DMTN: variants seen among roughly 807,000 people sequenced by gnomAD.
DMTN encodes dematin actin binding protein.
A neutral mutation model predicts 59.4 loss-of-function variants in DMTN; 27 were observed. The ratio of observed to expected loss-of-function variants is 0.45; its 90% confidence interval spans 0.33 to 0.63. DMTN has a LOEUF of 0.63. Among genes scored for constraint, DMTN ranks in the 20% least tolerant of loss-of-function variants. DMTN has a pLI of 0.02. For missense variants in DMTN, 451 were observed against 528.9 expected (o/e 0.85, Z 1.45); for synonymous variants, 221 against 203.7 (o/e 1.08, Z -0.72).
chr8:22,076,657 A>G, intron 10 of DMTN, among the ~76,000 whole-genome samples: 1 of 151,898 alleles, frequency 6.6e-6, no homozygotes, highest in Non-Finnish European at 1.5e-5. Context: ...TGACATATAT[A>G]CACATATATA....
intron 12 of DMTN, 52 bp downstream of exon 12, chr8:22,080,512 C>A: frequency 6.2e-7 from 1 of 1,614,006 alleles, no homozygotes; most frequent in Non-Finnish European, 8.5e-7. Flanking sequence ...TACACAGGTC[C>A]CTGGGCAGCC....
In DMTN at chr8:22,082,321, C is replaced by T. The variant is rs201264206; in HGVS notation, c.*858C>T. 2.3e-5 allele frequency: 10 copies of T among 438,952 alleles called. No homozygotes were observed. Among genetic ancestry groups the T allele is most frequent in the Non-Finnish European group, 4.2e-5 (9 of 215,940 alleles). 27.2% of individuals were successfully genotyped at this position (438,952 alleles called of 1,614,324 possible). On this transcript the variant is annotated 3_prime_UTR_variant, in exon 16 of 16. Transcript: ENST00000358242. ...ATGTAATTTATTGGGGCCCCCCCAGCTGCTTTCCTCACCTGCCCCTGCCCT... is the reference window on the plus strand; with the variant it reads ...ATGTAATTTATTGGGGCCCCCCCAGTTGCTTTCCTCACCTGCCCCTGCCCT...
At chr8:22,054,113 C>G (rs1014226849), upstream of DMTN, among the ~76,000 whole-genome samples, 1 of 151,818 alleles carries the variant, frequency 6.6e-6, no homozygotes, top group Non-Finnish European at 1.5e-5. Context: ...TACACACACA[C>G]ACACACACAC....
intron 1 of DMTN, among the ~76,000 whole-genome samples, chr8:22,062,178 C>T (rs947701736): frequency 7.3e-5 from 11 of 151,046 alleles, no homozygotes; most frequent in Non-Finnish European, 1.2e-4. Flanking sequence ...GCAGCCTTGA[C>T]CTCCTAGGAT....
chr8:22,057,413 A>C (rs1803273500), intron 1 of DMTN, among the ~76,000 whole-genome samples: 1 of 151,846 alleles, frequency 6.6e-6, no homozygotes, highest in Non-Finnish European at 1.5e-5. Flanking sequence ...TGGCCTACCT[A>C]GCTGAGCAGG....
chr8:22,081,243 C>T (rs776705352), intron 15 of DMTN, 50 bp downstream of exon 15: 1 of 1,608,614 alleles, frequency 6.2e-7, no homozygotes, highest in Non-Finnish European at 8.5e-7. Context: ...CACGGGCACT[C>T]TCCTGCCTGG....
chr8:22,054,117 C>CACACAG (rs1801696734), upstream of DMTN, among the ~76,000 whole-genome samples: 1 of 151,764 alleles, frequency 6.6e-6, no homozygotes, highest in African/African-American at 2.4e-5. Context: ...CACACACACA[C>CACACAG]ACACACAGAC....
rs1411065355 is a variant in DMTN at position 22,058,902 on chromosome 8, G to C, written c.-172+1766G>C. Among the ~76,000 whole-genome samples the C allele has an allele frequency of 6.6e-6, 1 of 152,234 alleles. No individual in the cohort carries two copies. The highest frequency in any genetic ancestry group is 1.9e-4 in the East Asian group (1 of 5,188). ...GGCCCAGAGCAGGCCTCAGCCTCCT[G>C]GTGTCCTTTTCCAGTGGCGGGGGGG... On this transcript the variant is annotated intron_variant, in intron 1 of 15. Transcript: ENST00000358242. This position sits in a 1 kb window ranked among gnomAD's most constrained non-coding sequence, Gnocchi z 4.3.
At chr8:22,056,307 T>C (rs1320302208), upstream of DMTN, among the ~76,000 whole-genome samples, 1 of 152,056 alleles carries the variant, frequency 6.6e-6, no homozygotes, top group African/African-American at 2.4e-5. Context: ...CATTCTACCC[T>C]CCCAGGAGAG....
upstream of DMTN, among the ~76,000 whole-genome samples, chr8:22,051,157 A>G (rs1350451439): frequency 2.6e-5 from 4 of 152,114 alleles, no homozygotes; most frequent in Non-Finnish European, 5.9e-5. Context: ...GCCGTTGGGG[A>G]AACACGAACC....
intron 4 of DMTN, 130 bp downstream of exon 4, chr8:22,067,812 A>G (rs1261473916): frequency 7.2e-6 from 8 of 1,103,756 alleles, no homozygotes; most frequent in Admixed American, 2.5e-5. Flanking sequence ...AACTGTGCGC[A>G]GGAACCAACC....
chr8:22,056,598 G>A (rs976594895), upstream of DMTN, among the ~76,000 whole-genome samples: 10 of 152,178 alleles, frequency 6.6e-5, no homozygotes, highest in Non-Finnish European at 1.5e-4. Context: ...TGCAGACTGC[G>A]GTGTGGGAAA....
rs1385961600 is a variant in DMTN, at chr8:22,058,650, G to T, written c.-172+1514G>T. ...GGCAGGCCTTGAGCAGGGGGACTCT[G>T]GGCTCCCCACCCACCCAGGCCTGGT... is the stretch of plus-strand genomic sequence containing the variant. On this transcript the variant is annotated intron_variant, in intron 1 of 15. Coordinates refer to ENST00000358242, the MANE Select transcript of DMTN (RefSeq NM_001387751.1). This position sits in a 1 kb window ranked among gnomAD's most constrained non-coding sequence, Gnocchi z 4.3. Among the ~76,000 whole-genome samples, 2 of 152,164 alleles carry T rather than the reference G, an allele frequency of 1.3e-5. No individual in the cohort carries two copies. The highest frequency in any genetic ancestry group is 4.8e-5 in the African/African-American group (2 of 41,436).
rs569821671 is a variant in DMTN, at chr8:22,061,671, G to A, written c.-172+4535G>A. On this transcript the variant is annotated intron_variant, in intron 1 of 15. Transcript: ENST00000358242. ...GTCTCCCTCCTGCCCCTCTCTGTGT[G>A]CAGCTGCACATGCTCCTCAGAGTGA... 2.0e-5 allele frequency among the ~76,000 whole-genome samples: 3 copies of A among 151,874 alleles called. No individual in the cohort carries two copies. In the East Asian group the frequency reaches 5.8e-4, roughly 29 times the overall value.
intron 10 of DMTN, among the ~76,000 whole-genome samples, chr8:22,079,731 A>C (rs1430714139): frequency 6.6e-6 from 1 of 151,382 alleles, no homozygotes; most frequent in Non-Finnish European, 1.5e-5. Context: ...AAGTGCTGGG[A>C]TTACAGGCAT....
upstream of DMTN, among the ~76,000 whole-genome samples, chr8:22,056,176 C>T (rs1385773726): frequency 6.6e-6 from 1 of 152,148 alleles, no homozygotes; most frequent in African/African-American, 2.4e-5. Flanking sequence ...TTCATGAAGC[C>T]ACCCTAGGGA....
intron 4 of DMTN, 75 bp downstream of exon 4, chr8:22,067,757 C>G (rs1314150939): frequency 1.3e-6 from 2 of 1,540,392 alleles, no homozygotes; most frequent in African/African-American, 1.4e-5. Flanking sequence ...CGATCCCTCC[C>G]GTGCTTCCTT....
In DMTN at chr8:22,079,275, TAA is replaced by T. The variant is rs1491469559; in HGVS notation, c.836-903_836-902del. ...AAATAAAAATAAATAAATAAATAAA[TAA>T]ATATATATATATATATATATATATT... On this transcript the variant is annotated intron_variant, in intron 10 of 15. Transcript: ENST00000358242. 8.3e-3 allele frequency among the ~76,000 whole-genome samples: 327 copies of T among 39,494 alleles called. 4 individuals are homozygous for T. The highest frequency in any genetic ancestry group is 0.029 in the African/African-American group (304 of 10,594). The allele number at this position is 39,494 out of a possible 152,430, so 25.9% of individuals were successfully genotyped here.
At position 22,073,785 on chromosome 8, in the gene DMTN, C is replaced by T. The variant is rs1817667362; in HGVS notation, c.785C>T (p.Pro262Leu). Residue 262 changes from proline (P) to leucine (L), a missense_variant, in exon 10 of 16, where the codon CCG (proline) becomes CTG (leucine). Coordinates refer to ENST00000358242, the MANE Select transcript of DMTN (RefSeq NM_001387751.1). Reference sequence around the variant, plus strand: ...AAAGAAGAGATGGAAAAGTCATTGCCGATCCGAAGGAAAACCCGCTCTCTG... The same window carrying T: ...AAAGAAGAGATGGAAAAGTCATTGCTGATCCGAAGGAAAACCCGCTCTCTG... ...ILKEEMEKSL[P>L]IRRKTRSLPD... is the part of the protein sequence containing the mutation. 10 of 1,613,946 alleles carry T rather than the reference C, an allele frequency of 6.2e-6. No homozygotes were observed. The highest frequency in any genetic ancestry group is 2.2e-5 in the East Asian group (1 of 44,898).
Sources: gnomAD v4.1 joint callset for allele counts (sites outside exome capture counted in the v4.1 genomes callset) on GRCh38, gnomAD v4.1.1 for gene constraint, Gnocchi (gnomAD v3.1) non-coding constraint, MANE v1.5 for transcripts, NCBI Gene and HGNC (gene_info 2026-07-23, HGNC 2026-07-21) for gene names.